The following MLLT3 variants were observed in gnomAD, a reference collection of about 807,000 sequenced individuals.
MLLT3 encodes the protein MLLT3 super elongation complex subunit.
Under a neutral mutation model 53.2 loss-of-function variants are expected in MLLT3, and 4 were observed. The ratio of observed to expected loss-of-function variants is 0.08; its 90% CI spans 0.04 to 0.17. The LOEUF is 0.17. Ranked by LOEUF, MLLT3 falls within the 10% of genes least tolerant of loss-of-function variation. The pLI, the probability that MLLT3 is intolerant of heterozygous loss-of-function variation, is 1.00. For synonymous variants in MLLT3, 283 were observed against 230.6 expected (o/e 1.23, Z -2.06); for missense variants, 569 against 684.0 (o/e 0.83, Z 1.87).
intron 2 of MLLT3, among the ~76,000 whole-genome samples, chr9:20,512,093 T>C (rs1190478126): frequency 6.6e-6 from 1 of 152,166 alleles, no homozygotes; most frequent in Non-Finnish European, 1.5e-5. Context: ...AACCTAGCAC[T>C]ACAAGAGCAA....
rs116141819 is a variant in MLLT3, at chr9:20,400,388, G to A, written c.1125+13333C>T. On this transcript the variant is annotated intron_variant, in intron 5 of 10. Transcript: ENST00000380338. ...TAGATTTCAATTCAAACAAAATGTAGAGAAAAAAACTTACGATATTTTGAT... is the reference window on the plus strand; with the variant it reads ...TAGATTTCAATTCAAACAAAATGTAAAGAAAAAAACTTACGATATTTTGAT... 5.6e-3 allele frequency among the ~76,000 whole-genome samples: 857 copies of A among 152,188 alleles called. 9 individuals carry two copies. The highest frequency in any genetic ancestry group is 0.019 in the African/African-American group (770 of 41,542).
intron 2 of MLLT3, among the ~76,000 whole-genome samples, chr9:20,578,981 G>A (rs1819722744): frequency 6.6e-6 from 1 of 152,154 alleles, no homozygotes; most frequent in African/African-American, 2.4e-5. Flanking sequence ...AATTGCAACT[G>A]TGACTTGCAT....
At chr9:20,363,627 C>G (rs1246861599) in intron 6 of MLLT3, 22 bp from the exon 7 acceptor site, 10 of 1,610,978 alleles carry the variant, frequency 6.2e-6, no homozygotes, top group Non-Finnish European at 8.5e-6. Context: ...CAATGAACCA[C>G]AGGCAATCAA....
Position 20,344,941 on chromosome 9 carries a change from G to GT in MLLT3, c.*1501dup, listed in dbSNP as rs1820827424. The GT allele has an allele frequency of 9.3e-6, 2 of 215,306 alleles. No individual in the cohort carries two copies. The highest frequency in any genetic ancestry group is 1.9e-4 in the South Asian group (1 of 5,364). The allele number at this position is 215,306 out of a possible 1,614,324, so 13.3% of individuals were successfully genotyped here. On this transcript the variant is annotated 3_prime_UTR_variant, in exon 11 of 11. Coordinates refer to ENST00000380338, the MANE Select transcript of MLLT3 (RefSeq NM_004529.4). ...CAGTGACGAACCTTTGGATCCAGAA[G>GT]TATTTCTTCATTTCTCTTCTTTTCG...
chr9:20,459,333 T>C (rs540635182), intron 2 of MLLT3, among the ~76,000 whole-genome samples: 1 of 152,252 alleles, frequency 6.6e-6, no homozygotes, highest in African/African-American at 2.4e-5. Context: ...CAGAGTGGCT[T>C]CAGTCTTGCA....
Position 20,620,561 on chromosome 9 carries a change from C to A in MLLT3, c.193+93G>T. On this transcript the variant is annotated intron_variant, in intron 2 of 10. Coordinates refer to ENST00000380338, the MANE Select transcript of MLLT3 (RefSeq NM_004529.4). This position sits in a 1 kb window ranked among gnomAD's most constrained non-coding sequence, Gnocchi z 6.1. Reference sequence around the variant, plus strand: ...CGAGGCTACGCCGGCGAGCGCGGCGCGGGGGGCGGGGAGCGGGACAGCGGG... The same window carrying A: ...CGAGGCTACGCCGGCGAGCGCGGCGAGGGGGGCGGGGAGCGGGACAGCGGG... 8.6e-7 allele frequency: 1 copy of A among 1,164,620 alleles called. No individual in the cohort carries two copies. Among genetic ancestry groups the A allele is most frequent in the Non-Finnish European group, 1.1e-6 (1 of 878,466 alleles). The allele number at this position is 1,164,620 out of a possible 1,614,324, so 72.1% of individuals were successfully genotyped here. A position where few individuals can be genotyped will look rare whatever the true frequency, so the allele number is the denominator to read the frequency against.
intron 5 of MLLT3, 93 bp from the exon 6 acceptor site, chr9:20,365,837 G>A (rs1030775652): frequency 1.0e-5 from 13 of 1,269,704 alleles, no homozygotes; most frequent in Admixed American, 8.1e-5. Flanking sequence ...ACCATCCTCT[G>A]CAAAAACCGT....
In MLLT3 at chr9:20,346,243, A is replaced by G; in HGVS notation, c.*200T>C. On this transcript the variant is annotated 3_prime_UTR_variant, in exon 11 of 11. Transcript: ENST00000380338. ...GGTCCGCTGAGGCTGGTTTGCTTTA[A>G]CCTCTCCTTTATCAAGAGATGATGA... 1.8e-6 allele frequency: 1 copy of G among 546,792 alleles called. No homozygotes were observed. The highest frequency in any genetic ancestry group is 3.0e-6 in the Non-Finnish European group (1 of 328,244). 33.9% of individuals were successfully genotyped at this position (546,792 alleles called of 1,614,324 possible). A position where few individuals can be genotyped will look rare whatever the true frequency, so the allele number is the denominator to read the frequency against.
chr9:20,569,707 G>A (rs1237508090), intron 2 of MLLT3, among the ~76,000 whole-genome samples: 1 of 152,116 alleles, frequency 6.6e-6, no homozygotes, highest in Non-Finnish European at 1.5e-5. Flanking sequence ...GGAGTGAAGA[G>A]ACCATTCCAA....
chr9:20,414,025 C>T lies in MLLT3; in HGVS notation c.821G>A (p.Ser274Asn). The T allele has an allele frequency of 6.2e-7, 1 of 1,614,182 alleles. No individual in the cohort carries two copies. The highest frequency in any genetic ancestry group is 8.5e-7 in the Non-Finnish European group (1 of 1,180,038). ...KPDSNLLTIT[S>N]GQDKKAPSKR... The stretch of plus-strand genomic sequence containing the variant: ...ACTAGGAGCCTTCTTATCTTGTCCA[C>T]TGGTGATGGTGAGTAAGTTACTATC... The change falls in exon 5 of 11, where the codon AGT (serine) becomes AAT (asparagine). Residue 274 changes from serine (S) to asparagine (N), a missense_variant. Around this residue, in one of 5 missense-constraint regions of MLLT3, gnomAD observed 437 missense variants for 376.5 expected, o/e 1.16. Coordinates refer to ENST00000380338, the MANE Select transcript of MLLT3 (RefSeq NM_004529.4).
At chr9:20,568,025 A>C (rs1044898156) in intron 2 of MLLT3, among the ~76,000 whole-genome samples, 2 of 152,206 alleles carry the variant, frequency 1.3e-5, no homozygotes, top group African/African-American at 4.8e-5. Context: ...ATTCCCAATT[A>C]ATAAACCTTA....
intron 10 of MLLT3, among the ~76,000 whole-genome samples, chr9:20,350,168 CTG>C (rs1820974654): frequency 6.6e-6 from 1 of 152,236 alleles, no homozygotes. Flanking sequence ...AAGAACTCCA[CTG>C]TGCCTTTCTA....
intron 2 of MLLT3, among the ~76,000 whole-genome samples, chr9:20,545,742 G>C (rs1006497624): frequency 6.6e-6 from 1 of 151,708 alleles, no homozygotes; most frequent in Non-Finnish European, 1.5e-5. Context: ...AAGGGGACCA[G>C]GTCCAGTGGC....
At chr9:20,351,421 C>G (rs3780827) in intron 10 of MLLT3, among the ~76,000 whole-genome samples, 39,274 of 152,060 alleles carry the variant, frequency 0.26, 9,412 homozygotes, top group East Asian at 0.61. Context: ...GTTTAAAGAG[C>G]AATCAAATTA....
intron 5 of MLLT3, among the ~76,000 whole-genome samples, chr9:20,377,760 G>A (rs1389314378): frequency 6.6e-6 from 1 of 152,046 alleles, no homozygotes; most frequent in Non-Finnish European, 1.5e-5. Flanking sequence ...GGCATTAAGA[G>A]TTTATTTTAT....
At chr9:20,491,801 T>C (rs1186966266) in intron 2 of MLLT3, among the ~76,000 whole-genome samples, 1 of 152,150 alleles carries the variant, frequency 6.6e-6, no homozygotes, top group Non-Finnish European at 1.5e-5. Context: ...CTGCTGATGT[T>C]TTCTTGTGTG....
chr9:20,383,471 A>G (rs1173046557), intron 5 of MLLT3, among the ~76,000 whole-genome samples: 1 of 151,928 alleles, frequency 6.6e-6, no homozygotes. Flanking sequence ...ATGTGACCTT[A>G]GCACATAACA....
intron 2 of MLLT3, among the ~76,000 whole-genome samples, chr9:20,468,289 G>A (rs1300163217): frequency 2.0e-5 from 3 of 152,148 alleles, no homozygotes; most frequent in Admixed American, 6.5e-5. Flanking sequence ...TTTGCCATCA[G>A]TATAATTAAA....
intron 2 of MLLT3, among the ~76,000 whole-genome samples, chr9:20,555,326 AT>A (rs199954637): frequency 4.0e-5 from 6 of 151,276 alleles, no homozygotes; most frequent in South Asian, 4.2e-4. Context: ...ACTGAGTTCT[AT>A]TTTTTTTTAA....
Sources: allele counts gnomAD v4.1 joint callset (sites outside exome capture counted in the v4.1 genomes callset), GRCh38; gene constraint gnomAD v4.1.1; regional missense constraint gnomAD v4.1.1; non-coding constraint Gnocchi (gnomAD v3.1); transcripts MANE v1.5; gene names NCBI Gene and HGNC (gene_info 2026-07-23, HGNC 2026-07-21).